GLI2: variants seen among roughly 807,000 people sequenced by gnomAD.
The protein encoded by GLI2 is GLI family zinc finger 2, also known as transcription activator GLI2.
In GLI2, 22 loss-of-function variants were observed where a neutral mutation model predicts 78.9. That is an observed-to-expected ratio of 0.28 (90% CI 0.20 to 0.40). GLI2 has a LOEUF of 0.40. GLI2 is among the 10% of genes least tolerant of loss of function. GLI2 has a pLI of 1.00. For synonymous variants in GLI2, 974 were observed against 963.7 expected (o/e 1.01, Z -0.20); for missense variants, 2,097 against 2,213.2 (o/e 0.95, Z 1.05).
intron 2 of GLI2, among the ~76,000 whole-genome samples, chr2:120,837,041 G>C (rs55844164): frequency 0.055 from 8,311 of 152,238 alleles, 322 homozygotes; most frequent in Non-Finnish European, 0.08. Flanking sequence ...CCTTTGCTGA[G>C]CTTTTTACTG....
At chr2:120,742,562 A>T (rs1169042681) in intron 1 of GLI2, among the ~76,000 whole-genome samples, 3 of 151,970 alleles carry the variant, frequency 2.0e-5, no homozygotes. Context: ...GTGTGTACGC[A>T]CGCCGAGAGC....
chr2:120,782,216 A>T (rs1683869676), intron 1 of GLI2, among the ~76,000 whole-genome samples: 1 of 152,212 alleles, frequency 6.6e-6, no homozygotes, highest in Non-Finnish European at 1.5e-5. Context: ...TGTAGTGAAC[A>T]TCTTACATGT....
Position 120,992,050 on chromosome 2 carries a change from A to ACACACACACACCC in GLI2, c.*1376_*1377insACACACACACCCC, listed in dbSNP as rs1553480327. 3 of 146,900 alleles carry ACACACACACACCC rather than the reference A, an allele frequency of 2.0e-5. No individual in the cohort carries two copies. 9.1% of individuals were successfully genotyped at this position (146,900 alleles called of 1,614,324 possible). On this transcript the variant is annotated 3_prime_UTR_variant, in exon 14 of 14. Transcript: ENST00000361492. ...CACACACACACACACACACACACAC[A>ACACACACACACCC]CCCCAAACCTTTTCATGGGGAATGT...
chr2:120,932,387 G>A, intron 3 of GLI2, among the ~76,000 whole-genome samples: 1 of 152,070 alleles, frequency 6.6e-6, no homozygotes, highest in Non-Finnish European at 1.5e-5. Context: ...TCCCTCTCAG[G>A]ATCCTGATAG....
chr2:120,841,455 C>T (rs967489073), intron 2 of GLI2, among the ~76,000 whole-genome samples: 5 of 152,190 alleles, frequency 3.3e-5, no homozygotes, highest in African/African-American at 9.6e-5. Context: ...GACACTTGAC[C>T]ATTTTGTGAA....
At chr2:120,774,634 T>A (rs527715841) in intron 1 of GLI2, among the ~76,000 whole-genome samples, 2 of 152,312 alleles carry the variant, frequency 1.3e-5, no homozygotes, top group African/African-American at 4.8e-5. Context: ...ATAAAACCCC[T>A]GTTCTTGACT....
At chr2:120,840,136 A>G (rs1172140053) in intron 2 of GLI2, among the ~76,000 whole-genome samples, 2 of 152,240 alleles carry the variant, frequency 1.3e-5, no homozygotes. Flanking sequence ...ATTCTGAAAC[A>G]TAGCAATTTT....
intron 3 of GLI2, among the ~76,000 whole-genome samples, chr2:120,928,209 C>A (rs1679785093): frequency 1.3e-5 from 2 of 152,116 alleles, no homozygotes; most frequent in Non-Finnish European, 2.9e-5. Flanking sequence ...CAGCCAGCCC[C>A]AAGACCCCTC....
intron 2 of GLI2, among the ~76,000 whole-genome samples, chr2:120,824,259 G>T (rs1563078): frequency 0.11 from 17,182 of 152,208 alleles, 1,042 homozygotes; most frequent in African/African-American, 0.16. Flanking sequence ...TAAGTAGGGG[G>T]ATAGAGAGGG....
chr2:120,756,165 T>C (rs1037051871), intron 1 of GLI2, among the ~76,000 whole-genome samples: 2 of 152,218 alleles, frequency 1.3e-5, no homozygotes, highest in Non-Finnish European at 2.9e-5. Flanking sequence ...TTGGAGAGAA[T>C]TGACATCTTA....
intron 2 of GLI2, among the ~76,000 whole-genome samples, chr2:120,811,975 T>G (rs1269937600): frequency 2.0e-5 from 3 of 152,100 alleles, no homozygotes; most frequent in African/African-American, 4.8e-5. Context: ...TCTCTGGAAC[T>G]GACATTCTAG....
chr2:120,754,184 A>C lies in GLI2; in HGVS notation c.-31+17899A>C, dbSNP rs373709903. Among the ~76,000 whole-genome samples the C allele has an allele frequency of 5.9e-5, 9 of 152,276 alleles. No individual in the cohort carries two copies. The East Asian group carries it at 1.5e-3, about 26-fold the overall frequency. On this transcript the variant is annotated intron_variant, in intron 1 of 13. Coordinates refer to ENST00000361492, the MANE Select transcript of GLI2 (RefSeq NM_001374353.1). ...ATATTGGTAAATCACTTTCCATAGAAGTTTACACTCCCACCAGCAACGTAC... is the reference window on the plus strand; with the variant it reads ...ATATTGGTAAATCACTTTCCATAGACGTTTACACTCCCACCAGCAACGTAC...
chr2:120,878,189 T>C (rs1688854464), intron 2 of GLI2, among the ~76,000 whole-genome samples: 1 of 152,254 alleles, frequency 6.6e-6, no homozygotes, highest in East Asian at 1.9e-4. Context: ...TATTTGTTCT[T>C]CCTTCAGCCA....
At chr2:120,929,570 T>G (rs967979302) in intron 3 of GLI2, among the ~76,000 whole-genome samples, 1 of 152,272 alleles carries the variant, frequency 6.6e-6, no homozygotes, top group Non-Finnish European at 1.5e-5. Flanking sequence ...TGCACATGGA[T>G]GCATGGTTTT....
chr2:120,927,947 G>A (rs1679768946), intron 3 of GLI2, among the ~76,000 whole-genome samples: 1 of 152,156 alleles, frequency 6.6e-6, no homozygotes, highest in African/African-American at 2.4e-5. Flanking sequence ...CCTATTCCCA[G>A]CTTTGAAGTC....
chr2:120,871,785 C>CT (rs1213653674), intron 2 of GLI2, among the ~76,000 whole-genome samples: 6 of 152,132 alleles, frequency 3.9e-5, no homozygotes, highest in Non-Finnish European at 7.3e-5. Flanking sequence ...AGCAATTTGT[C>CT]TTTTTTTATA....
At chr2:120,988,080 G>GC (rs1683064664) in intron 13 of GLI2, 128 bp from the exon 14 acceptor site, 1 of 726,402 alleles carries the variant, frequency 1.4e-6, no homozygotes, top group Admixed American at 2.9e-5. Context: ...AAGAAAGCAT[G>GC]CATCTCCTGA....
chr2:120,949,522 A>C (rs1200259064), intron 3 of GLI2, among the ~76,000 whole-genome samples: 1 of 152,230 alleles, frequency 6.6e-6, no homozygotes, highest in Non-Finnish European at 1.5e-5. Flanking sequence ...GGAACAGTGC[A>C]CCCTTGGGGA....
intron 4 of GLI2, chr2:120,951,904 C>T (rs984573820): frequency 3.2e-5 from 5 of 155,154 alleles, no homozygotes; most frequent in South Asian, 2.0e-4. Context: ...CCTGGGGCTC[C>T]GGGGATGAAG....
Sources: gnomAD v4.1 joint callset for allele counts (sites outside exome capture counted in the v4.1 genomes callset) on GRCh38, gnomAD v4.1.1 for gene constraint, MANE v1.5 for transcripts, NCBI Gene and HGNC (gene_info 2026-07-23, HGNC 2026-07-21) for gene names.